The following ROBO2 variants were observed in gnomAD, a reference collection of about 807,000 sequenced individuals.
ROBO2 encodes roundabout guidance receptor 2, also known as roundabout homolog 2.
ROBO2 carries 53 observed loss-of-function variants against 160.8 expected under a neutral mutation model. That is an observed-to-expected ratio of 0.33 (90% CI 0.26 to 0.41). The LOEUF (loss-of-function observed/expected upper bound fraction) is 0.41, where lower values mean the gene tolerates loss of function less well. Among genes scored for constraint, ROBO2 ranks in the 10% least tolerant of loss-of-function variants. The probability of loss-of-function intolerance (pLI) is 1.00; values close to 1 mark genes in which losing one functional copy is unlikely to be tolerated. For missense variants in ROBO2, 1,577 were observed against 1,722.4 expected (o/e 0.92, Z 1.49); for synonymous variants, 664 against 611.7 (o/e 1.09, Z -1.26).
intron 2 of ROBO2, among the ~76,000 whole-genome samples, chr3:76,882,290 C>T (rs1215605861): frequency 6.6e-6 from 1 of 152,064 alleles, no homozygotes; most frequent in Non-Finnish European, 1.5e-5. Flanking sequence ...TACAAATTCT[C>T]GCAGAGGTGA....
rs1029769290 is a variant in ROBO2, at chr3:76,194,804, G to C, written c.109+257202G>C. Among the ~76,000 whole-genome samples the C allele has an allele frequency of 2.6e-5, 4 of 152,080 alleles. No homozygotes were observed. The East Asian group carries it at 7.8e-4, about 30-fold the overall frequency. ...CCAGCTAACTTTTGTATTTTTAGTA[G>C]AGACGGGGTTTCACCATGTTGGCCA... is the stretch of plus-strand genomic sequence containing the variant. On this transcript the variant is annotated intron_variant, in intron 2 of 26. Coordinates refer to the ROBO2 transcript ENST00000487694.
intron 2 of ROBO2, among the ~76,000 whole-genome samples, chr3:77,463,926 T>C (rs1013724197): frequency 2.0e-5 from 3 of 152,158 alleles, no homozygotes; most frequent in Non-Finnish European, 4.4e-5. Context: ...GAATTAAAAA[T>C]TGACAGCCAT....
chr3:76,816,097 G>A (rs1035737063), intron 2 of ROBO2, among the ~76,000 whole-genome samples: 2 of 152,134 alleles, frequency 1.3e-5, no homozygotes, highest in Admixed American at 1.3e-4. Flanking sequence ...TTTAAATTGC[G>A]TGATATGTGT....
At chr3:76,391,168 A>C (rs1174132945) in intron 2 of ROBO2, among the ~76,000 whole-genome samples, 2 of 152,118 alleles carry the variant, frequency 1.3e-5, no homozygotes, top group Non-Finnish European at 2.9e-5. Flanking sequence ...TTCTCATTAT[A>C]TCTATTGATA....
intron 2 of ROBO2, among the ~76,000 whole-genome samples, chr3:77,290,200 C>A (rs191795702): frequency 6.8e-6 from 1 of 148,092 alleles, no homozygotes; most frequent in African/African-American, 2.5e-5. Flanking sequence ...GATGGTTAAA[C>A]GGGTAATCTG....
At chr3:76,472,334 A>T (rs549151337) in intron 2 of ROBO2, among the ~76,000 whole-genome samples, 55 of 152,174 alleles carry the variant, frequency 3.6e-4, no homozygotes, top group Admixed American at 1.2e-3. Context: ...TTTTAGTGTA[A>T]TTTCACTTAT....
intron 2 of ROBO2, among the ~76,000 whole-genome samples, chr3:76,629,228 GTTC>G (rs980001303): frequency 6.6e-6 from 1 of 152,144 alleles, no homozygotes; most frequent in Admixed American, 6.5e-5. Flanking sequence ...AATCCACACT[GTTC>G]TTCTTCAAAG....
chr3:76,712,029 T>A (rs537854968), intron 2 of ROBO2, among the ~76,000 whole-genome samples: 94 of 152,320 alleles, frequency 6.2e-4, no homozygotes, highest in African/African-American at 2.1e-3. Flanking sequence ...TTTACTTTTA[T>A]AATAAGGGGT....
intron 2 of ROBO2, among the ~76,000 whole-genome samples, chr3:76,272,967 TATA>T (rs1707646632): frequency 1.2e-5 from 1 of 80,826 alleles, no homozygotes; most frequent in South Asian, 3.0e-4. Context: ...TATATTTATA[TATA>T]AAATATATAT....
At chr3:76,943,562 A>G (rs370383870) in intron 2 of ROBO2, among the ~76,000 whole-genome samples, 7 of 152,204 alleles carry the variant, frequency 4.6e-5, no homozygotes, top group African/African-American at 1.7e-4. Context: ...AATGAAGTTA[A>G]TTACCAAACT....
At chr3:76,820,022 CT>C (rs1298970260) in intron 2 of ROBO2, among the ~76,000 whole-genome samples, 1 of 152,118 alleles carries the variant, frequency 6.6e-6, no homozygotes, top group African/African-American at 2.4e-5. Context: ...AAACAAAATG[CT>C]CCACCAGGTA....
At chr3:76,351,829 C>G (rs2074895463) in intron 2 of ROBO2, among the ~76,000 whole-genome samples, 1 of 151,892 alleles carries the variant, frequency 6.6e-6, no homozygotes, top group African/African-American at 2.4e-5. Context: ...ACCTACAATG[C>G]TCTCAGTTTC....
In ROBO2 at chr3:77,268,262, G is replaced by GA. The variant is rs1404957148; in HGVS notation, c.388+169928dup. ...GTAAAATATGGAACATATGCTCAATGAAAAAATGCATATATTTTTATTCTC... is the reference window on the plus strand; with the variant it reads ...GTAAAATATGGAACATATGCTCAATGAAAAAAATGCATATATTTTTATTCTC... On this transcript the variant is annotated intron_variant, in intron 2 of 25. Coordinates refer to ENST00000461745, the Ensembl canonical transcript of ROBO2. Among the ~76,000 whole-genome samples the GA allele has an allele frequency of 2.6e-5, 4 of 152,004 alleles. No homozygotes were observed. In the East Asian group the frequency reaches 7.7e-4, roughly 29 times the overall value.
intron 2 of ROBO2, among the ~76,000 whole-genome samples, chr3:77,293,359 G>A (rs745663269): frequency 1.4e-4 from 21 of 150,884 alleles, no homozygotes; most frequent in Non-Finnish European, 3.0e-4. Context: ...TAAAATTGAC[G>A]ATTAAACGGG....
At chr3:76,066,252 G>A (rs2068250557) in intron 2 of ROBO2, among the ~76,000 whole-genome samples, 1 of 152,028 alleles carries the variant, frequency 6.6e-6, no homozygotes, top group Admixed American at 6.6e-5. Flanking sequence ...GGAGAGTGTT[G>A]AAATTATTCT....
At chr3:75,928,715 A>G (rs1029155084) in intron 1 of ROBO2, among the ~76,000 whole-genome samples, 2 of 152,202 alleles carry the variant, frequency 1.3e-5, no homozygotes, top group African/African-American at 2.4e-5. Context: ...TGATTATAGA[A>G]CGATCTATGT....
chr3:77,315,983 G>A (rs1383303573), intron 2 of ROBO2, among the ~76,000 whole-genome samples: 1 of 152,024 alleles, frequency 6.6e-6, no homozygotes, highest in Non-Finnish European at 1.5e-5. Flanking sequence ...CAAAATGGAA[G>A]ACTTTAAAAT....
At chr3:76,745,171 G>A (rs1227187515) in intron 2 of ROBO2, among the ~76,000 whole-genome samples, 9 of 152,092 alleles carry the variant, frequency 5.9e-5, no homozygotes, top group Non-Finnish European at 4.4e-5. Context: ...GGCATTTTGA[G>A]GGGAAATAGA....
At chr3:76,773,446 A>G (rs995440881) in intron 2 of ROBO2, among the ~76,000 whole-genome samples, 3 of 150,920 alleles carry the variant, frequency 2.0e-5, no homozygotes, top group Non-Finnish European at 4.5e-5. Flanking sequence ...ATATATACAT[A>G]CATGCACCTT....
Sources: gnomAD v4.1 joint callset for allele counts (sites outside exome capture counted in the v4.1 genomes callset) on GRCh38, gnomAD v4.1.1 for gene constraint, MANE v1.5 for transcripts, NCBI Gene and HGNC (gene_info 2026-07-23, HGNC 2026-07-21) for gene names.